The following KAZN variants were observed in gnomAD, a reference collection of about 807,000 sequenced individuals.
KAZN encodes kazrin, periplakin interacting protein, also known as kazrin.
Under a neutral mutation model 87.4 loss-of-function variants are expected in KAZN, and 40 were observed. The observed-to-expected ratio is 0.46, with a 90% CI of 0.36 to 0.60. The LOEUF is 0.60. Ranked by LOEUF, KAZN falls within the 20% of genes least tolerant of loss-of-function variation. KAZN has a pLI of 0.00. For missense variants in KAZN, 898 were observed against 1,073.9 expected (o/e 0.84, Z 2.29); for synonymous variants, 466 against 458.3 (o/e 1.02, Z -0.22).
intron 1 of KAZN, among the ~76,000 whole-genome samples, chr1:14,705,733 T>C (rs1409009459): frequency 1.3e-5 from 2 of 152,082 alleles, no homozygotes; most frequent in Admixed American, 6.6e-5. Flanking sequence ...AAAAAGTTTA[T>C]CTAAAAAAGT....
At chr1:14,286,721 A>T (rs955086896) in intron 2 of KAZN, among the ~76,000 whole-genome samples, 13 of 152,062 alleles carry the variant, frequency 8.5e-5, no homozygotes, top group African/African-American at 3.1e-4. Flanking sequence ...CTAGATTAAC[A>T]TCCCCAGGTA....
chr1:14,268,325 A>T (rs917920992), intron 2 of KAZN, among the ~76,000 whole-genome samples: 1 of 152,228 alleles, frequency 6.6e-6, no homozygotes, highest in Non-Finnish European at 1.5e-5. Context: ...CCTAGCACAT[A>T]GGGCCGACTC....
intron 2 of KAZN, among the ~76,000 whole-genome samples, chr1:14,335,114 C>A (rs189409067): frequency 1.7e-3 from 256 of 151,428 alleles, no homozygotes; most frequent in African/African-American, 5.4e-3. Flanking sequence ...GTGCCCCCCC[C>A]CCACCACCCC....
At chr1:14,101,521 T>C (rs1043070290) in intron 1 of KAZN, among the ~76,000 whole-genome samples, 3 of 152,314 alleles carry the variant, frequency 2.0e-5, no homozygotes, top group Middle Eastern at 3.4e-3. Flanking sequence ...GAGTAGGGAT[T>C]GAAGGGAGAG....
chr1:14,218,304 A>G (rs1647002878), intron 2 of KAZN, among the ~76,000 whole-genome samples: 2 of 151,224 alleles, frequency 1.3e-5, no homozygotes, highest in South Asian at 2.1e-4. Flanking sequence ...TATCATATAC[A>G]TTGTGAGTTC....
At chr1:13,982,347 T>C (rs1280685927) in intron 1 of KAZN, among the ~76,000 whole-genome samples, 5 of 152,192 alleles carry the variant, frequency 3.3e-5, no homozygotes, top group African/African-American at 1.2e-4. Flanking sequence ...TGGAGTTTGT[T>C]CCTTCTGATG....
At chr1:14,739,684 T>C (rs893434429) in intron 1 of KAZN, among the ~76,000 whole-genome samples, 1 of 151,966 alleles carries the variant, frequency 6.6e-6, no homozygotes, top group African/African-American at 2.4e-5. Context: ...TTGTATTGTT[T>C]GAAGTTCAAA....
chr1:15,036,769 CAG>C (rs1672382536), intron 3 of KAZN, among the ~76,000 whole-genome samples: 1 of 152,158 alleles, frequency 6.6e-6, no homozygotes, highest in South Asian at 2.1e-4. Context: ...TGTGTGCTCA[CAG>C]GGGCGTGCTG....
intron 2 of KAZN, among the ~76,000 whole-genome samples, chr1:14,340,890 T>TTTTTTTTTG (rs1553159907): frequency 2.2e-5 from 3 of 133,896 alleles, no homozygotes; most frequent in Non-Finnish European, 3.2e-5. Flanking sequence ...GATTTTCCCT[T>TTTTTTTTTG]TTTTTTTTTT....
intron 1 of KAZN, among the ~76,000 whole-genome samples, chr1:14,711,976 G>T (rs1190650073): frequency 6.6e-6 from 1 of 152,210 alleles, no homozygotes; most frequent in Non-Finnish European, 1.5e-5. Context: ...GCCATGGGGA[G>T]CTGCATTCTG....
Position 14,599,243 on chromosome 1 carries a change from C to G in KAZN, c.226+20C>G. On this transcript the variant is annotated intron_variant, in intron 1 of 14. Transcript: ENST00000376030. This position sits in a 1 kb window ranked among gnomAD's most constrained non-coding sequence, Gnocchi z 4.4. ...CGCAAGGTAGGATCGCCCCGGCGCC[C>G]AGGGCGGAGGAAGGCGAGCAGAGCA... 2 of 1,355,170 alleles carry G rather than the reference C, an allele frequency of 1.5e-6. No homozygotes were observed. Among genetic ancestry groups the G allele is most frequent in the Non-Finnish European group, 1.9e-6 (2 of 1,057,976 alleles). The allele number at this position is 1,355,170 out of a possible 1,614,324, so 83.9% of individuals were successfully genotyped here.
intron 2 of KAZN, among the ~76,000 whole-genome samples, chr1:14,300,099 T>A (rs1571254063): frequency 1.3e-5 from 2 of 151,574 alleles, no homozygotes; most frequent in South Asian, 4.2e-4. Flanking sequence ...GGCAGGAAAG[T>A]GTTTGGGGTC....
At chr1:14,684,437 G>T (rs1449833436) in intron 1 of KAZN, among the ~76,000 whole-genome samples, 1 of 152,170 alleles carries the variant, frequency 6.6e-6, no homozygotes, top group African/African-American at 2.4e-5. Context: ...TGCAAGGGTT[G>T]GTTGGTGTGT....
chr1:14,851,090 A>G lies in KAZN; in HGVS notation c.227-109594A>G, dbSNP rs967368885. Among the ~76,000 whole-genome samples, 3 of 152,030 alleles carry G rather than the reference A, an allele frequency of 2.0e-5. No homozygotes were observed. The East Asian group carries it at 5.8e-4, about 29-fold the overall frequency. ...GTCGGGTTGGCCCTTCCACCATCAG[A>G]TGTGTCAGTCCTTGGCGTTAATCCC... On this transcript the variant is annotated intron_variant, in intron 1 of 14. Coordinates refer to ENST00000376030, the MANE Select transcript of KAZN (RefSeq NM_201628.3).
At chr1:14,808,297 T>TTC (rs1188569905) in intron 1 of KAZN, among the ~76,000 whole-genome samples, 1 of 124,418 alleles carries the variant, frequency 8.0e-6, no homozygotes, top group Non-Finnish European at 1.6e-5. Flanking sequence ...TTTCTTTTTT[T>TTC]TTTTTTTTTT....
intron 2 of KAZN, among the ~76,000 whole-genome samples, chr1:14,231,161 G>T (rs985453398): frequency 6.6e-6 from 1 of 152,122 alleles, no homozygotes; most frequent in East Asian, 1.9e-4. Context: ...TTTCTTATTT[G>T]GTTCTTATTA....
chr1:15,108,143 C>G (rs570469492), intron 13 of KAZN, among the ~76,000 whole-genome samples: 1 of 152,252 alleles, frequency 6.6e-6, no homozygotes, highest in Non-Finnish European at 1.5e-5. Flanking sequence ...AATGAGAGAA[C>G]CTTGTCACCT....
intron 2 of KAZN, among the ~76,000 whole-genome samples, chr1:14,258,880 T>C (rs550983523): frequency 1.3e-5 from 2 of 152,202 alleles, no homozygotes; most frequent in Non-Finnish European, 2.9e-5. Context: ...GCTGTCTCCA[T>C]GGTAAATGGT....
At chr1:14,689,206 A>G (rs1394402773) in intron 1 of KAZN, among the ~76,000 whole-genome samples, 1 of 149,544 alleles carries the variant, frequency 6.7e-6, no homozygotes, top group Non-Finnish European at 1.5e-5. Context: ...AAACAAAACA[A>G]AACAAAACAA....
Sources: gnomAD v4.1 joint callset for allele counts (sites outside exome capture counted in the v4.1 genomes callset) on GRCh38, gnomAD v4.1.1 for gene constraint, Gnocchi (gnomAD v3.1) non-coding constraint, MANE v1.5 for transcripts, NCBI Gene and HGNC (gene_info 2026-07-23, HGNC 2026-07-21) for gene names.